ZNF142: variants seen among roughly 807,000 people sequenced by gnomAD.
The protein encoded by ZNF142 is zinc finger protein 142, also known as zinc finger protein 142 (clone pHZ-49).
A neutral mutation model predicts 132.1 loss-of-function variants in ZNF142; 96 were observed. The ratio of observed to expected loss-of-function variants is 0.73; its 90% CI spans 0.62 to 0.86. The LOEUF is 0.86. Ranked by LOEUF, ZNF142 falls within the 40% of genes least tolerant of loss-of-function variation. ZNF142 has a pLI of 0.00. For synonymous variants in ZNF142, 842 were observed against 890.1 expected, an observed-to-expected ratio of 0.95 and a Z score of 0.96; for missense variants, 2,163 against 2,336.2, an observed-to-expected ratio of 0.93 and a Z score of 1.53.
In ZNF142 at chr2:218,659,621, C is replaced by G. The variant is rs1173699550; in HGVS notation, c.-614G>C. On this transcript the variant is annotated 5_prime_UTR_variant, in exon 1 of 11. Coordinates refer to ENST00000411696, the MANE Select transcript of ZNF142 (RefSeq NM_001379659.1). This position sits in a 1 kb window ranked among gnomAD's most constrained non-coding sequence, Gnocchi z 4.4. ...CATCGAGAGCTCTGGGGTAGAGTGG[C>G]GTGGGCTTCTCTGTGGGTGTGGCGG... 6.6e-6 allele frequency: 1 copy of G among 152,220 alleles called. No individual in the cohort carries two copies. Among genetic ancestry groups the G allele is most frequent in the Non-Finnish European group, 1.5e-5 (1 of 68,108 alleles). The allele number at this position is 152,220 out of a possible 1,614,324, so 9.4% of individuals were successfully genotyped here.
chr2:218,650,830 T>C (rs1430545087), intron 5 of ZNF142, among the ~76,000 whole-genome samples: 1 of 152,218 alleles, frequency 6.6e-6, no homozygotes, highest in African/African-American at 2.4e-5. Context: ...ATGGGTAGAC[T>C]GCAATTCCTT....
Position 218,636,535 on chromosome 2 carries a change from G to A in ZNF142, c.*1804C>T. On this transcript the variant is annotated 3_prime_UTR_variant, in exon 11 of 11. Coordinates refer to ENST00000411696, the MANE Select transcript of ZNF142 (RefSeq NM_001379659.1). ...GCCTCCGCCCAGCTTCCATCTTTGTGTATATCTGCATCCAGGAAGGCCTGG... is the reference window on the plus strand; with the variant it reads ...GCCTCCGCCCAGCTTCCATCTTTGTATATATCTGCATCCAGGAAGGCCTGG... The A allele has an allele frequency of 1.2e-6, 2 of 1,613,964 alleles. No individual in the cohort carries two copies. The highest frequency in any genetic ancestry group is 2.2e-5 in the South Asian group (2 of 91,086).
rs370215700 is a variant in ZNF142, at chr2:218,644,963, G to A, written c.2153C>T (p.Ala718Val). 1.4e-5 allele frequency: 22 copies of A among 1,614,012 alleles called. No individual in the cohort carries two copies. Among genetic ancestry groups the A allele is most frequent in the Non-Finnish European group, 1.9e-5 (22 of 1,180,022 alleles). Residue 718 changes from alanine to valine, a missense_variant, in exon 9 of 11, where the codon GCC (alanine) becomes GTC (valine). Coordinates refer to ENST00000411696, the MANE Select transcript of ZNF142 (RefSeq NM_001379659.1). This position sits in a 1 kb window ranked among gnomAD's most constrained non-coding sequence, Gnocchi z 4.6. ...QGKSLMCEVC[A>V]FACKRKYELQ... ...CTCATACTTCCGCTTGCAGGCGAAG[G>A]CACACACCTCACACATCAGAGACTT...
Position 218,648,741 on chromosome 2 carries a change from ATC to A in ZNF142, c.1765_1766del (p.Asp589SerfsTer9), listed in dbSNP as rs750681891. ...FATFNPVAYQ[D>X]HVGKMHAHEK... is the part of the protein sequence containing the mutation. Reference sequence around the variant, plus strand: ...CATGAGCATGCATCTTGCCTACATGATCCTGGTAAGCCACTGGGTTGAAGGTG... The same window carrying A: ...CATGAGCATGCATCTTGCCTACATGACTGGTAAGCCACTGGGTTGAAGGTG... On this transcript the variant is annotated frameshift_variant, in exon 7 of 11. Coordinates refer to ENST00000411696, the MANE Select transcript of ZNF142 (RefSeq NM_001379659.1). LOFTEE classifies it high-confidence loss of function. 2 of 1,614,252 alleles carry A rather than the reference ATC, an allele frequency of 1.2e-6. No individual in the cohort carries two copies. Among genetic ancestry groups the A allele is most frequent in the Non-Finnish European group, 1.7e-6 (2 of 1,180,036 alleles).
chr2:218,638,271 C>T lies in ZNF142; in HGVS notation c.*68G>A. 1 of 1,413,794 alleles carries T rather than the reference C, an allele frequency of 7.1e-7. No homozygotes were observed. The highest frequency in any genetic ancestry group is 2.5e-5 in the East Asian group (1 of 39,338). 87.6% of individuals were successfully genotyped at this position (1,413,794 alleles called of 1,614,324 possible). A position where few individuals can be genotyped will look rare whatever the true frequency, so the allele number is the denominator to read the frequency against. ...TTCCTTAGGCTCTGAGCTCCTCAGG[C>T]TAGCGCTGGTCCCAGTCTGCACATC... On this transcript the variant is annotated 3_prime_UTR_variant, in exon 11 of 11. Transcript: ENST00000411696.
rs577169286 is a variant in ZNF142 at position 218,651,785 on chromosome 2, G to A, written c.796C>T (p.Arg266Trp). 114 of 1,289,872 alleles carry A rather than the reference G, an allele frequency of 8.8e-5. 3 individuals carry two copies. Among genetic ancestry groups the A allele is most frequent in the South Asian group, 8.5e-4 (69 of 81,034 alleles). 79.9% of individuals were successfully genotyped at this position (1,289,872 alleles called of 1,614,324 possible). A position where few individuals can be genotyped will look rare whatever the true frequency, so the allele number is the denominator to read the frequency against. The change falls in exon 5 of 11, where the codon CGG (arginine) becomes TGG (tryptophan). Residue 266 changes from arginine to tryptophan, a missense_variant. Physicochemically the swap from Arg to Trp is moderately radical, Grantham distance 101. This residue lies in a region of ZNF142 where 63 missense variants were observed against 104.1 expected (regional missense o/e 0.61). Coordinates refer to ENST00000411696, the MANE Select transcript of ZNF142 (RefSeq NM_001379659.1). ...SFIGSNVKLF[R>W]QHQRSHGAGT... Reference sequence around the variant, plus strand: ...GCACCATGGCTCCGCTGATGCTGCCGGAAGAGTTTGACGTTGGAGCCTATG... The same window carrying A: ...GCACCATGGCTCCGCTGATGCTGCCAGAAGAGTTTGACGTTGGAGCCTATG...
In ZNF142 at chr2:218,648,917, C is replaced by T. The variant is rs566273877; in HGVS notation, c.1591G>A (p.Glu531Lys). The change falls in exon 7 of 11, where the codon GAA becomes AAA. Residue 531 changes from glutamate (E) to lysine (K), a missense_variant. Glu to Lys is a moderately conservative substitution (Grantham distance 56). This residue lies in a region of ZNF142 where 749 missense variants were observed against 830.3 expected (regional missense o/e 0.90). Coordinates refer to ENST00000411696, the MANE Select transcript of ZNF142 (RefSeq NM_001379659.1). ...HSCPMLFATAEAMEAHHKSHY... is the reference protein window; with the variant it reads ...HSCPMLFATAKAMEAHHKSHY... ...CTCTTGTGGTGGGCCTCCATGGCTTCGGCTGTGGCAAAGAGCATGGGACAT... is the reference window on the plus strand; with the variant it reads ...CTCTTGTGGTGGGCCTCCATGGCTTTGGCTGTGGCAAAGAGCATGGGACAT... 8.2e-5 allele frequency: 133 copies of T among 1,613,804 alleles called. 4 individuals carry two copies. The South Asian group carries it at 1.2e-3, about 14-fold the overall frequency.
intron 9 of ZNF142, among the ~76,000 whole-genome samples, chr2:218,641,600 C>T (rs148675820): frequency 0.012 from 1,763 of 151,576 alleles, 37 homozygotes; most frequent in African/African-American, 0.04. Context: ...GGTGCAGTGG[C>T]ATGATCATAG....
rs1425588670 is a variant in ZNF142 at position 218,642,242 on chromosome 2, T to C, written c.4874A>G (p.His1625Arg). 3.1e-6 allele frequency: 5 copies of C among 1,614,156 alleles called. No homozygotes were observed. Among genetic ancestry groups the C allele is most frequent in the Non-Finnish European group, 4.2e-6 (5 of 1,180,030 alleles). ...GDGDAGQPPL[H>R]CPFCDFTCRH... The stretch of plus-strand genomic sequence containing the variant: ...GCATGTGAAGTCACAAAAGGGGCAG[T>C]GTAGCGGGGGCTGGCCAGCATCCCC... Residue 1625 changes from histidine to arginine, a missense_variant, in exon 9 of 11, where the codon CAC becomes CGC. This residue lies in a region of ZNF142 where 325 missense variants were observed against 367.8 expected (regional missense o/e 0.88). Coordinates refer to ENST00000411696, the MANE Select transcript of ZNF142 (RefSeq NM_001379659.1). This position sits in a 1 kb window ranked among gnomAD's most constrained non-coding sequence, Gnocchi z 4.6.
chr2:218,651,785 G>C lies in ZNF142; in HGVS notation c.796C>G (p.Arg266Gly). 2 of 1,289,872 alleles carry C rather than the reference G, an allele frequency of 1.6e-6. No homozygotes were observed. Among genetic ancestry groups the C allele is most frequent in the Non-Finnish European group, 2.0e-6 (2 of 988,892 alleles). 79.9% of individuals were successfully genotyped at this position (1,289,872 alleles called of 1,614,324 possible). The change falls in exon 5 of 11, where the codon CGG becomes GGG. Residue 266 changes from arginine to glycine, a missense_variant. Physicochemically the swap from Arg to Gly is moderately radical, Grantham distance 125 (BLOSUM62 -2). Around this residue, in one of 7 missense-constraint regions of ZNF142, gnomAD observed 63 missense variants for 104.1 expected, o/e 0.61. Coordinates refer to ENST00000411696, the MANE Select transcript of ZNF142 (RefSeq NM_001379659.1). ...SFIGSNVKLF[R>G]QHQRSHGAGT... is the part of the protein sequence containing the mutation. ...GCACCATGGCTCCGCTGATGCTGCC[G>C]GAAGAGTTTGACGTTGGAGCCTATG...
Position 218,643,724 on chromosome 2 carries a change from T to G in ZNF142, c.3392A>C (p.Gln1131Pro). 1 of 1,605,718 alleles carries G rather than the reference T, an allele frequency of 6.2e-7. No individual in the cohort carries two copies. The highest frequency in any genetic ancestry group is 2.2e-5 in the East Asian group (1 of 44,804). The change falls in exon 9 of 11, where the codon CAA becomes CCA. Residue 1131 changes from glutamine to proline, a missense_variant. Around this residue, in one of 7 missense-constraint regions of ZNF142, gnomAD observed 809 missense variants for 801.7 expected, o/e 1.01. Transcript: ENST00000411696. Reference protein sequence around the residue: ...TESGKPPPASQEAELLLPKDA... With the variant: ...TESGKPPPASPEAELLLPKDA... The stretch of plus-strand genomic sequence containing the variant: ...TTTTGGAAGCAGTAGCTCTGCTTCT[T>G]GTGATGCAGGTGGGGGCTTCCCACT...
At chr2:218,653,205 G>A (rs1208678152) in intron 4 of ZNF142, among the ~76,000 whole-genome samples, 1 of 151,358 alleles carries the variant, frequency 6.6e-6, no homozygotes, top group Non-Finnish European at 1.5e-5. Flanking sequence ...GCTTGAACAT[G>A]AGAGGTGGAG....
rs1036471307 is a variant in ZNF142, at chr2:218,644,494, G to A, written c.2622C>T (p.Pro874=). Residue 874 remains proline (P), a synonymous_variant, in exon 9 of 11, where the codon CCC becomes CCT. Transcript: ENST00000411696. This position sits in a 1 kb window ranked among gnomAD's most constrained non-coding sequence, Gnocchi z 4.6. ...GACTGCCACCCAGGTCACCCCCATG[G>A]GGAGCCTCACTGCCCTCCTGTCTTC... ...NTGRQEGSEA[P]HGGDLGGSPS... The A allele has an allele frequency of 9.3e-6, 15 of 1,613,988 alleles. No homozygotes were observed. Among genetic ancestry groups the A allele is most frequent in the Non-Finnish European group, 1.3e-5 (15 of 1,180,030 alleles).
chr2:218,658,179 A>G (rs539457940), intron 3 of ZNF142, among the ~76,000 whole-genome samples: 161 of 152,342 alleles, frequency 1.1e-3, no homozygotes, highest in Non-Finnish European at 2.0e-3. Flanking sequence ...ATAATTAGTA[A>G]TTAATAAGAA....
rs1371397382 is a variant in ZNF142 at position 218,644,542 on chromosome 2, C to T, written c.2574G>A (p.Glu858=). The T allele has an allele frequency of 6.2e-7, 1 of 1,614,106 alleles. No homozygotes were observed. Among genetic ancestry groups the T allele is most frequent in the Non-Finnish European group, 8.5e-7 (1 of 1,180,040 alleles). The change falls in exon 9 of 11, where the codon GAG becomes GAA. Residue 858 remains glutamate, a synonymous_variant. Coordinates refer to ENST00000411696, the MANE Select transcript of ZNF142 (RefSeq NM_001379659.1). This position sits in a 1 kb window ranked among gnomAD's most constrained non-coding sequence, Gnocchi z 4.6. ...VDPSLDQALP[E]MSEEVNTGRQ... Reference sequence around the variant, plus strand: ...TTCCAGTGTTGACCTCCTCACTCATCTCTGGCAGGGCCTGGTCCAAGCTGG... The same window carrying T: ...TTCCAGTGTTGACCTCCTCACTCATTTCTGGCAGGGCCTGGTCCAAGCTGG...
Position 218,635,808 on chromosome 2 carries a change from C to G in ZNF142, c.*2531G>C, listed in dbSNP as rs753516597. ...GCCCTGACTACAGGTGATCAGCGGT[C>G]AGCAACTCCCCAAAGTGGACAAGAC... On this transcript the variant is annotated 3_prime_UTR_variant, in exon 11 of 11. Coordinates refer to ENST00000411696, the MANE Select transcript of ZNF142 (RefSeq NM_001379659.1). 2 of 1,612,772 alleles carry G rather than the reference C, an allele frequency of 1.2e-6. No homozygotes were observed. Among genetic ancestry groups the G allele is most frequent in the African/African-American group, 2.7e-5 (2 of 74,882 alleles).
rs1370033015 is a variant in ZNF142, at chr2:218,644,096, A to T, written c.3020T>A (p.Leu1007Gln). Residue 1007 changes from leucine (L) to glutamine (Q), a missense_variant, in exon 9 of 11, where the codon CTA becomes CAA. By Grantham distance (113) the Leu-to-Gln change is moderately radical. Transcript: ENST00000411696. The surrounding 1 kb of genome is among the most constrained non-coding windows in gnomAD (Gnocchi z 4.6). Reference sequence around the variant, plus strand: ...TGCTTGTTCTTTGTCCTGTCTCCTTAGGGCCTTGAGTAATGACTCTGACTC... The same window carrying T: ...TGCTTGTTCTTTGTCCTGTCTCCTTTGGGCCTTGAGTAATGACTCTGACTC... ...LPESESLLKA[L>Q]RRQDKEQAEA... The T allele has an allele frequency of 1.2e-6, 2 of 1,614,040 alleles. No individual in the cohort carries two copies. The highest frequency in any genetic ancestry group is 8.5e-7 in the Non-Finnish European group (1 of 1,179,996).
Position 218,649,161 on chromosome 2 carries a change from G to A in ZNF142, c.1347C>T (p.Tyr449=), listed in dbSNP as rs780751271. Residue 449 remains tyrosine, a synonymous_variant, in exon 7 of 11, where the codon TAC becomes TAT. Transcript: ENST00000411696. ...AGACAGGACAGGCATAGGTGTCTGA[G>A]TAGAAGTTGGAAATATCTTCATGCA... The part of the protein sequence containing the change: ...ASMHEDISNF[Y]SDTYACPVCR... 9 of 1,614,250 alleles carry A rather than the reference G, an allele frequency of 5.6e-6. No homozygotes were observed. Among genetic ancestry groups the A allele is most frequent in the Non-Finnish European group, 6.8e-6 (8 of 1,180,050 alleles).
Position 218,649,072 on chromosome 2 carries a change from G to A in ZNF142, c.1436C>T (p.Ala479Val). 6.2e-7 allele frequency: 1 copy of A among 1,613,860 alleles called. No individual in the cohort carries two copies. The highest frequency in any genetic ancestry group is 8.5e-7 in the Non-Finnish European group (1 of 1,180,036). The change falls in exon 7 of 11, where the codon GCC becomes GTC. Residue 479 changes from alanine (A) to valine (V), a missense_variant. Ala to Val is a moderately conservative substitution (Grantham distance 64). Around this residue, in one of 7 missense-constraint regions of ZNF142, gnomAD observed 749 missense variants for 830.3 expected, o/e 0.90. Transcript: ENST00000411696. ...GCGAAGGGGTAATGGCTCTGCTGCG[G>A]CTGCTGCCGTGTGGCTCTTGAGGTG... Reference protein sequence around the residue: ...KEHLKSHTAAAAAEPLPLRCF... With the variant: ...KEHLKSHTAAVAAEPLPLRCF...
Sources: gnomAD v4.1 joint callset for allele counts (sites outside exome capture counted in the v4.1 genomes callset) on GRCh38, gnomAD v4.1.1 for gene constraint, gnomAD v4.1.1 regional missense constraint, Gnocchi (gnomAD v3.1) non-coding constraint, MANE v1.5 for transcripts, NCBI Gene and HGNC (gene_info 2026-07-23, HGNC 2026-07-21) for gene names.